The following SUPT6H variants were observed in gnomAD, a reference collection of about 807,000 sequenced individuals.
The protein encoded by SUPT6H is transcription elongation factor SPT6.
A neutral mutation model predicts 222.3 loss-of-function variants in SUPT6H; 11 were observed. The ratio of observed to expected loss-of-function variants is 0.05; its 90% CI spans 0.03 to 0.08. The LOEUF is 0.08. Ranked by LOEUF, SUPT6H falls within the 10% of genes least tolerant of loss-of-function variation. The pLI is 1.00. For synonymous variants in SUPT6H, 762 were observed against 801.2 expected (o/e 0.95, Z 0.83); for missense variants, 1,422 against 2,216.0 (o/e 0.64, Z 7.19).
intron 28 of SUPT6H, 62 bp from the exon 29 acceptor site, chr17:28,695,290 G>A: frequency 6.5e-7 from 1 of 1,532,966 alleles, no homozygotes; most frequent in Non-Finnish European, 8.8e-7. Context: ...TCTCATGGGT[G>A]AAATAGGGCA....
At chr17:28,689,330 G>A (rs774417567) in intron 24 of SUPT6H, 24 bp from the exon 25 acceptor site, 2 of 1,612,864 alleles carry the variant, frequency 1.2e-6, no homozygotes, top group Non-Finnish European at 8.5e-7. Flanking sequence ...TCTATATCCT[G>A]TTCCTTTTCT....
intron 7 of SUPT6H, among the ~76,000 whole-genome samples, chr17:28,677,007 T>A (rs2030787920): frequency 6.6e-6 from 1 of 151,928 alleles, no homozygotes; most frequent in Non-Finnish European, 1.5e-5. Context: ...GGTGGGTGGA[T>A]CACCTGAGGT....
intron 1 of SUPT6H, 123 bp from the exon 2 acceptor site, chr17:28,673,248 A>G (rs761372569): frequency 8.4e-6 from 5 of 597,572 alleles, no homozygotes; most frequent in African/African-American, 5.6e-5. Context: ...CTTCTCCCCA[A>G]GTGGGAATGT....
chr17:28,693,674 C>T (rs2031776571), intron 27 of SUPT6H, 22 bp from the exon 28 acceptor site: 1 of 1,613,902 alleles, frequency 6.2e-7, no homozygotes, highest in Non-Finnish European at 8.5e-7. Flanking sequence ...TAATCAAGCT[C>T]TTCTCCTCAT....
rs796505980 is a variant in SUPT6H at position 28,663,858 on chromosome 17, T to C, written c.-32+1516T>C. On this transcript the variant is annotated intron_variant, in intron 1 of 36. Coordinates refer to ENST00000314616, the MANE Select transcript of SUPT6H (RefSeq NM_003170.5). Reference sequence around the variant, plus strand: ...TTTTTTTTTTTTTGTGGAGACAGGGTCTTGCTCTGTTGCCCAGGTTGGAGT... The same window carrying C: ...TTTTTTTTTTTTTGTGGAGACAGGGCCTTGCTCTGTTGCCCAGGTTGGAGT... 3.9e-4 allele frequency among the ~76,000 whole-genome samples: 55 copies of C among 141,802 alleles called. 1 individual carries two copies. Among genetic ancestry groups the C allele is most frequent in the African/African-American group, 1.5e-3 (53 of 35,682 alleles). The allele number at this position is 141,802 out of a possible 152,430, so 93.0% of individuals were successfully genotyped here. A position where few individuals can be genotyped will look rare whatever the true frequency, so the allele number is the denominator to read the frequency against.
chr17:28,689,577 G>A lies in SUPT6H; in HGVS notation c.3342+16G>A. ...GGAGAGGCAGGTAAGGGACAGCATG[G>A]AAGGCCCGGCAGGAGAACCCATCCC... On this transcript the variant is annotated intron_variant, in intron 25 of 36. Coordinates refer to ENST00000314616, the MANE Select transcript of SUPT6H (RefSeq NM_003170.5). The A allele has an allele frequency of 6.2e-7, 1 of 1,613,004 alleles. No homozygotes were observed. The highest frequency in any genetic ancestry group is 1.1e-5 in the South Asian group (1 of 91,038).
chr17:28,687,537 G>C, intron 23 of SUPT6H, 66 bp downstream of exon 23: 2 of 1,523,652 alleles, frequency 1.3e-6, no homozygotes, highest in Non-Finnish European at 1.8e-6. Flanking sequence ...TATATACTTT[G>C]TCAGTATAAT....
intron 23 of SUPT6H, among the ~76,000 whole-genome samples, chr17:28,687,853 T>G (rs2031466332): frequency 6.6e-6 from 1 of 152,180 alleles, no homozygotes; most frequent in Non-Finnish European, 1.5e-5. Flanking sequence ...AGCCATACAT[T>G]AGTTGTATAT....
intron 1 of SUPT6H, chr17:28,670,359 C>G (rs1014823767): frequency 6.6e-6 from 1 of 152,216 alleles, no homozygotes; most frequent in Non-Finnish European, 1.5e-5. Context: ...TTGTTAGTGT[C>G]TGGCACTTGG....
intron 11 of SUPT6H, among the ~76,000 whole-genome samples, chr17:28,680,922 C>T (rs1468470771): frequency 6.6e-6 from 1 of 152,208 alleles, no homozygotes; most frequent in African/African-American, 2.4e-5. Context: ...GCTGGGATTA[C>T]AGGCATGAGC....
intron 35 of SUPT6H, 150 bp from the exon 36 acceptor site, chr17:28,700,791 G>T: frequency 9.5e-7 from 1 of 1,055,684 alleles, no homozygotes; most frequent in Admixed American, 2.3e-5. Context: ...GTGCTGACCT[G>T]CAGGCTTCCC....
At chr17:28,679,759 G>A (rs1187304205) in intron 11 of SUPT6H, among the ~76,000 whole-genome samples, 1 of 151,782 alleles carries the variant, frequency 6.6e-6, no homozygotes, top group Non-Finnish European at 1.5e-5. Flanking sequence ...TGGGAAGCCA[G>A]GGCGGGCGGG....
chr17:28,697,884 C>G, intron 31 of SUPT6H, 22 bp from the exon 32 acceptor site: 1 of 1,612,950 alleles, frequency 6.2e-7, no homozygotes, highest in South Asian at 1.1e-5. Flanking sequence ...ATCCCAACCT[C>G]TCCCCCTCAT....
rs1218937230 is a variant in SUPT6H, at chr17:28,690,065, A to G, written c.3343-17A>G. On this transcript the variant is annotated splice_polypyrimidine_tract_variant and intron_variant, in intron 25 of 36. Coordinates refer to ENST00000314616, the MANE Select transcript of SUPT6H (RefSeq NM_003170.5). ...GGGGGCAGCTGCAAGGCTCTTCTTG[A>G]TGGGCTTCTTCCCCAGGGCTATGGT... The G allele has an allele frequency of 6.2e-7, 1 of 1,603,966 alleles. No homozygotes were observed. Among genetic ancestry groups the G allele is most frequent in the South Asian group, 1.1e-5 (1 of 90,534 alleles).
In SUPT6H at chr17:28,695,203, C is replaced by T; in HGVS notation, c.3775-149C>T. The T allele has an allele frequency of 8.2e-6, 6 of 732,452 alleles. No homozygotes were observed. In the South Asian group the frequency reaches 1.1e-4, roughly 14 times the overall value. The allele number at this position is 732,452 out of a possible 1,614,324, so 45.4% of individuals were successfully genotyped here. On this transcript the variant is annotated intron_variant, in intron 28 of 36. Coordinates refer to ENST00000314616, the MANE Select transcript of SUPT6H (RefSeq NM_003170.5). ...CAGACAAGATTCCACCCCAAACTCC[C>T]AGTCTGCCATTCAGCAGCTGGCTGG...
intron 29 of SUPT6H, among the ~76,000 whole-genome samples, chr17:28,696,296 C>CAAA (rs1185490286): frequency 3.7e-5 from 2 of 53,722 alleles, no homozygotes; most frequent in Non-Finnish European, 7.3e-5. Context: ...GACTCTGTCT[C>CAAA]AAAAAAAAAA....
intron 10 of SUPT6H, 78 bp from the exon 11 acceptor site, chr17:28,678,743 G>A (rs1421713939): frequency 6.2e-7 from 1 of 1,611,828 alleles, no homozygotes; most frequent in Non-Finnish European, 8.5e-7. Flanking sequence ...CCCCCACTAG[G>A]TTTCTGGTAA....
chr17:28,688,364 A>G lies in SUPT6H; in HGVS notation c.3134+146A>G. ...AAAGGTAAGGAACTTTATTCAGTCA[A>G]GAGCCCCTGACCTATGGAAAAGATC... On this transcript the variant is annotated intron_variant, in intron 24 of 36. Coordinates refer to ENST00000314616, the MANE Select transcript of SUPT6H (RefSeq NM_003170.5). The surrounding 1 kb of genome is among the most constrained non-coding windows in gnomAD (Gnocchi z 4.3). 8.7e-6 allele frequency: 9 copies of G among 1,031,562 alleles called. No individual in the cohort carries two copies. The highest frequency in any genetic ancestry group is 1.1e-5 in the Non-Finnish European group (8 of 745,640). 63.9% of individuals were successfully genotyped at this position (1,031,562 alleles called of 1,614,324 possible).
chr17:28,678,990 A>G (rs1369418401), intron 11 of SUPT6H, 27 bp downstream of exon 11: 1 of 1,613,818 alleles, frequency 6.2e-7, no homozygotes, highest in East Asian at 2.2e-5. Flanking sequence ...TTATTCCATT[A>G]TGGGAAGCCC....
Sources: allele counts gnomAD v4.1 joint callset (sites outside exome capture counted in the v4.1 genomes callset), GRCh38; gene constraint gnomAD v4.1.1; non-coding constraint Gnocchi (gnomAD v3.1); transcripts MANE v1.5; gene names NCBI Gene and HGNC (gene_info 2026-07-23, HGNC 2026-07-21).